CACNA1H: variants seen among roughly 807,000 people sequenced by gnomAD.
The protein encoded by CACNA1H is calcium voltage-gated channel subunit alpha1 H, also known as voltage-dependent T-type calcium channel subunit alpha-1H.
A neutral mutation model predicts 192.5 loss-of-function variants in CACNA1H; 149 were observed. The ratio of observed to expected loss-of-function variants is 0.77; its 90% confidence interval spans 0.68 to 0.89. The LOEUF (loss-of-function observed/expected upper bound fraction) is 0.89, where lower values mean the gene tolerates loss of function less well. Among genes scored for constraint, CACNA1H ranks in the 40% least tolerant of loss-of-function variants. The pLI, the probability that CACNA1H is intolerant of heterozygous loss-of-function variation, is 0.00. For synonymous variants in CACNA1H, 2,202 were observed against 1,475.2 expected (o/e 1.49, Z -11.29); for missense variants, 4,257 against 3,423.5 (o/e 1.24, Z -6.08).
At chr16:1,197,677 T>A (rs1317199972) in intron 5 of CACNA1H, among the ~76,000 whole-genome samples, 2 of 152,168 alleles carry the variant, frequency 1.3e-5, no homozygotes, top group Non-Finnish European at 2.9e-5. Context: ...TCCGGTCGGC[T>A]CTTTTGACAC....
At chr16:1,173,041 C>T (rs75978517) in intron 2 of CACNA1H, among the ~76,000 whole-genome samples, 2,560 of 152,100 alleles carry the variant, frequency 0.017, 82 homozygotes, top group African/African-American at 0.058. Flanking sequence ...CTGGGTGTGG[C>T]GTGGAGAGCC....
At chr16:1,163,609 C>T (rs1457949087) in intron 2 of CACNA1H, among the ~76,000 whole-genome samples, 1 of 152,254 alleles carries the variant, frequency 6.6e-6, no homozygotes, top group African/African-American at 2.4e-5. Flanking sequence ...GCCGCCAGCC[C>T]TGGCTGTGGT....
intron 2 of CACNA1H, among the ~76,000 whole-genome samples, chr16:1,188,937 C>T (rs1197092364): frequency 1.3e-5 from 2 of 152,248 alleles, no homozygotes; most frequent in African/African-American, 2.4e-5. Context: ...TCCTGGCCCG[C>T]CAGGGGCTGG....
chr16:1,215,829 C>T (rs1453735509), intron 30 of CACNA1H, among the ~76,000 whole-genome samples: 1 of 152,118 alleles, frequency 6.6e-6, no homozygotes, highest in Non-Finnish European at 1.5e-5. Flanking sequence ...GGCCCCCTCC[C>T]CGGTGCACTT....
At position 1,212,079 on chromosome 16, in the gene CACNA1H, C is replaced by T. The variant is rs773757935; in HGVS notation, c.4700C>T (p.Ala1567Val). 7.4e-6 allele frequency: 12 copies of T among 1,612,468 alleles called. 1 individual carries two copies. In the East Asian group the frequency reaches 8.9e-5, roughly 12 times the overall value. The change falls in exon 25 of 35, where the codon GCG (alanine) becomes GTG (valine). Residue 1567 changes from alanine (A) to valine (V), a missense_variant. By Grantham distance (64) the Ala-to-Val change is moderately conservative (BLOSUM62 0). Coordinates refer to ENST00000348261, the MANE Select transcript of CACNA1H (RefSeq NM_021098.3). Reference protein sequence around the residue: ...NFHKCRQHQEAEEARRREEKR... With the variant: ...NFHKCRQHQEVEEARRREEKR... ...CACAAGTGCCGGCAGCACCAGGAGG[C>T]GGAGGAGGCGCGGCGGCGAGAGGAG...
chr16:1,201,863 C>G lies in CACNA1H; in HGVS notation c.1413C>G (p.Val471=), dbSNP rs781240456. The change falls in exon 9 of 35, where the codon GTC becomes GTG. Residue 471 remains valine, a synonymous_variant. Transcript: ENST00000348261. The stretch of plus-strand genomic sequence containing the variant: ...ACGTGGGCCACATATTCCGCAAGGT[C>G]AAGCGGCGCAGCTTGCGCCTCTACG... ...LKYVGHIFRK[V]KRRSLRLYAR... 17 of 1,558,170 alleles carry G rather than the reference C, an allele frequency of 1.1e-5. 1 individual carries two copies. Among genetic ancestry groups the G allele is most frequent in the South Asian group, 7.1e-5 (6 of 84,614 alleles).
At chr16:1,182,085 G>A (rs575278284) in intron 2 of CACNA1H, among the ~76,000 whole-genome samples, 61 of 152,296 alleles carry the variant, frequency 4.0e-4, no homozygotes, top group African/African-American at 1.3e-3. Context: ...AGAAGTGGCC[G>A]CCCAGGTGAG....
rs1422276614 is a variant in CACNA1H, at chr16:1,209,051, C to T, written c.3383C>T (p.Pro1128Leu). 5.9e-6 allele frequency: 9 copies of T among 1,530,580 alleles called. No homozygotes were observed. The highest frequency in any genetic ancestry group is 7.9e-6 in the Non-Finnish European group (9 of 1,145,014). 94.8% of individuals were successfully genotyped at this position (1,530,580 alleles called of 1,614,324 possible). ...CCCCAGGCCAGCCTCCGAAGTTCTC[C>T]CTGTGCCCCCTGGGGCCCCAGTGGC... is the stretch of plus-strand genomic sequence containing the variant. Reference protein sequence around the residue: ...QKPPASLRSSPCAPWGPSGAW... With the variant: ...QKPPASLRSSLCAPWGPSGAW... The change falls in exon 17 of 35, where the codon CCC becomes CTC. Residue 1128 changes from proline (P) to leucine (L), a missense_variant. By Grantham distance (98) the Pro-to-Leu change is moderately conservative (BLOSUM62 -3). Transcript: ENST00000348261.
chr16:1,179,948 G>A (rs1328330591), intron 2 of CACNA1H, among the ~76,000 whole-genome samples: 2 of 151,736 alleles, frequency 1.3e-5, no homozygotes, highest in Non-Finnish European at 2.9e-5. Flanking sequence ...TCTTGGCCAG[G>A]CTGGTGTTGA....
At chr16:1,155,660 ACT>A (rs1372653961) in intron 2 of CACNA1H, among the ~76,000 whole-genome samples, 4 of 151,186 alleles carry the variant, frequency 2.6e-5, no homozygotes, top group Non-Finnish European at 4.4e-5. Flanking sequence ...CAGGGCATGG[ACT>A]CTCTTCACAG....
chr16:1,190,195 G>T (rs1031065631), intron 2 of CACNA1H, among the ~76,000 whole-genome samples: 5 of 152,242 alleles, frequency 3.3e-5, no homozygotes, highest in African/African-American at 1.2e-4. Flanking sequence ...GCAGCCAGCA[G>T]GCCCCCTCCC....
chr16:1,180,577 G>T lies in CACNA1H; in HGVS notation c.300-14395G>T, dbSNP rs1002325625. 6.6e-6 allele frequency among the ~76,000 whole-genome samples: 1 copy of T among 152,162 alleles called. No individual in the cohort carries two copies. The highest frequency in any genetic ancestry group is 1.5e-5 in the Non-Finnish European group (1 of 68,012). On this transcript the variant is annotated intron_variant, in intron 2 of 34. Transcript: ENST00000348261. The surrounding 1 kb of genome is among the most constrained non-coding windows in gnomAD (Gnocchi z 4.4). Reference sequence around the variant, plus strand: ...GGCTGCAGTCACAGCCAGGCCGTGGGGGGGCCAGGGAGGAGGGGCTGCTCT... The same window carrying T: ...GGCTGCAGTCACAGCCAGGCCGTGGTGGGGCCAGGGAGGAGGGGCTGCTCT...
rs761971364 is a variant in CACNA1H, at chr16:1,220,762, G to A, written c.6830G>A (p.Ser2277Asn). 2.5e-6 allele frequency: 4 copies of A among 1,612,526 alleles called. No individual in the cohort carries two copies. The highest frequency in any genetic ancestry group is 1.7e-5 in the Admixed American group (1 of 60,004). ...GAGCCGCTGGACCTCGGGGTCCCCA[G>A]TGGAGACCCTTTCTTGGACGGTAGC... Reference protein sequence around the residue: ...AFEPLDLGVPSGDPFLDGSHS... With the variant: ...AFEPLDLGVPNGDPFLDGSHS... The change falls in exon 35 of 35, where the codon AGT becomes AAT. Residue 2277 changes from serine (S) to asparagine (N), a missense_variant. Coordinates refer to ENST00000348261, the MANE Select transcript of CACNA1H (RefSeq NM_021098.3).
chr16:1,211,053 C>T (rs1969385069), intron 21 of CACNA1H, 82 bp downstream of exon 21: 1 of 1,554,638 alleles, frequency 6.4e-7, no homozygotes, highest in Admixed American at 1.7e-5. Flanking sequence ...TCCCGCAGTC[C>T]TGGGCTGTTC....
Position 1,189,796 on chromosome 16 carries a change from A to G in CACNA1H, c.300-5176A>G, listed in dbSNP as rs1184847895. Among the ~76,000 whole-genome samples the G allele has an allele frequency of 2.0e-5, 3 of 152,216 alleles. No homozygotes were observed. In the East Asian group the frequency reaches 5.8e-4, roughly 30 times the overall value. On this transcript the variant is annotated intron_variant, in intron 2 of 34. Transcript: ENST00000348261. ...GTGCCTGAGGAGTATTTCAACAGAC[A>G]GGGCCCCACCACCGAGGGGGTCTTC...
chr16:1,211,702 G>A lies in CACNA1H; in HGVS notation c.4477-14G>A. On this transcript the variant is annotated splice_polypyrimidine_tract_variant and intron_variant, in intron 23 of 34. Transcript: ENST00000348261. ...GCTCTAACCCTCGCCAGTGACCCTG[G>A]CTCTGGCCCTCAGGCCCTGATGTCG... 6.2e-7 allele frequency: 1 copy of A among 1,612,320 alleles called. No homozygotes were observed. The highest frequency in any genetic ancestry group is 8.5e-7 in the Non-Finnish European group (1 of 1,179,554).
Position 1,209,340 on chromosome 16 carries a change from G to T in CACNA1H, c.3672G>T (p.Leu1224=). 2 of 1,598,022 alleles carry T rather than the reference G, an allele frequency of 1.3e-6. No homozygotes were observed. Among genetic ancestry groups the T allele is most frequent in the Non-Finnish European group, 1.7e-6 (2 of 1,179,484 alleles). ...ATCGCGACGGGCAGGTGGTGGCCCT[G>T]CCCAGCGACTTCTTCCTGCGCATCG... The part of the protein sequence containing the change: ...CRDRDGQVVA[L]PSDFFLRIDS... Residue 1224 remains leucine (L), a synonymous_variant, in exon 17 of 35, where the codon CTG becomes CTT. Transcript: ENST00000348261.
intron 25 of CACNA1H, 40 bp downstream of exon 25, chr16:1,212,178 A>T (rs1383944958): frequency 8.9e-6 from 14 of 1,568,872 alleles, no homozygotes; most frequent in African/African-American, 5.4e-5. Flanking sequence ...GCGGGTCGGT[A>T]CCTGTGTGCC....
At chr16:1,184,833 C>T (rs1163190163) in intron 2 of CACNA1H, among the ~76,000 whole-genome samples, 1 of 152,218 alleles carries the variant, frequency 6.6e-6, no homozygotes, top group Non-Finnish European at 1.5e-5. Flanking sequence ...CATTTAAAGG[C>T]AAAGCTGGGA....
Sources: gnomAD v4.1 joint callset for allele counts (sites outside exome capture counted in the v4.1 genomes callset) on GRCh38, gnomAD v4.1.1 for gene constraint, Gnocchi (gnomAD v3.1) non-coding constraint, MANE v1.5 for transcripts, NCBI Gene and HGNC (gene_info 2026-07-23, HGNC 2026-07-21) for gene names.